MYO5B: variants seen among roughly 807,000 people sequenced by gnomAD.
MYO5B encodes the protein myosin VB.
A neutral mutation model predicts 229.3 loss-of-function variants in MYO5B; 143 were observed. That is an observed-to-expected ratio of 0.62 (90% CI 0.54 to 0.72). MYO5B has a LOEUF of 0.72. Ranked by LOEUF, MYO5B falls within the 30% of genes least tolerant of loss-of-function variation. The pLI is 0.00. For synonymous variants in MYO5B, 918 were observed against 885.2 expected, an observed-to-expected ratio of 1.04 and a Z score of -0.66; for missense variants, 2,321 against 2,331.0, an observed-to-expected ratio of 1.00 and a Z score of 0.09.
chr18:49,952,019 A>G (rs1455647270), intron 14 of MYO5B, among the ~76,000 whole-genome samples: 1 of 152,230 alleles, frequency 6.6e-6, no homozygotes, highest in Non-Finnish European at 1.5e-5. Flanking sequence ...AATTTGTCCC[A>G]GTGATGACTA....
chr18:50,106,686 G>A (rs2031766903), intron 1 of MYO5B, among the ~76,000 whole-genome samples: 1 of 152,200 alleles, frequency 6.6e-6, no homozygotes. Flanking sequence ...CCCGAGGCCT[G>A]GGGCATGTGC....
chr18:50,029,989 CA>C (rs1160859745), intron 4 of MYO5B, among the ~76,000 whole-genome samples: 3 of 152,228 alleles, frequency 2.0e-5, no homozygotes, highest in African/African-American at 7.2e-5. Flanking sequence ...CCCAGAATAA[CA>C]AACCACCTTA....
intron 1 of MYO5B, among the ~76,000 whole-genome samples, chr18:50,081,581 A>T (rs1295142149): frequency 1.3e-5 from 2 of 152,236 alleles, no homozygotes; most frequent in Non-Finnish European, 2.9e-5. Flanking sequence ...AAGGGTTGCC[A>T]TACTTTGGGG....
At chr18:50,140,720 C>T (rs557524357) in intron 1 of MYO5B, among the ~76,000 whole-genome samples, 5 of 152,258 alleles carry the variant, frequency 3.3e-5, no homozygotes, top group African/African-American at 9.6e-5. Flanking sequence ...CCATTAGGGC[C>T]GACTGTCTAG....
intron 4 of MYO5B, among the ~76,000 whole-genome samples, chr18:50,034,316 A>G (rs916040292): frequency 6.6e-6 from 1 of 152,246 alleles, no homozygotes; most frequent in South Asian, 2.1e-4. Flanking sequence ...TACAGGAAAT[A>G]CAGCAAAAAC....
intron 1 of MYO5B, among the ~76,000 whole-genome samples, chr18:50,135,975 A>G (rs919081170): frequency 9.2e-5 from 14 of 152,218 alleles, no homozygotes; most frequent in Admixed American, 9.2e-4. Flanking sequence ...GTTCGTTATC[A>G]TCCTATTTGA....
intron 1 of MYO5B, among the ~76,000 whole-genome samples, chr18:50,126,290 T>G (rs1389188544): frequency 6.6e-6 from 1 of 152,186 alleles, no homozygotes; most frequent in Non-Finnish European, 1.5e-5. Flanking sequence ...TTTCCAGATG[T>G]GGGCACCCCT....
At chr18:50,112,984 A>G (rs2031893611) in intron 1 of MYO5B, among the ~76,000 whole-genome samples, 1 of 152,222 alleles carries the variant, frequency 6.6e-6, no homozygotes, top group African/African-American at 2.4e-5. Flanking sequence ...CCACATAATG[A>G]AGGTTACATG....
At chr18:50,133,005 A>G (rs534350174) in intron 1 of MYO5B, among the ~76,000 whole-genome samples, 2 of 152,350 alleles carry the variant, frequency 1.3e-5, no homozygotes, top group East Asian at 3.8e-4. Context: ...GAGAGACCCA[A>G]GTTCATAGTT....
At chr18:50,180,464 T>C (rs1214945868) in intron 1 of MYO5B, among the ~76,000 whole-genome samples, 1 of 152,098 alleles carries the variant, frequency 6.6e-6, no homozygotes, top group African/African-American at 2.4e-5. Flanking sequence ...CCCAGGCCAA[T>C]CCCCCATCTA....
At chr18:50,151,496 G>A (rs574665270) in intron 1 of MYO5B, among the ~76,000 whole-genome samples, 1 of 152,202 alleles carries the variant, frequency 6.6e-6, no homozygotes, top group South Asian at 2.1e-4. Context: ...CTTGGATAGG[G>A]GTGGGCTTTT....
At chr18:49,994,820 A>G (rs2025970015) in intron 5 of MYO5B, among the ~76,000 whole-genome samples, 1 of 152,232 alleles carries the variant, frequency 6.6e-6, no homozygotes, top group South Asian at 2.1e-4. Context: ...TCAGTGAGCC[A>G]ATTTCTACTT....
chr18:50,024,238 C>T (rs1179609303), intron 4 of MYO5B, among the ~76,000 whole-genome samples: 1 of 152,170 alleles, frequency 6.6e-6, no homozygotes, highest in Non-Finnish European at 1.5e-5. Flanking sequence ...CAATACCATA[C>T]ATTTAAACTA....
At chr18:49,884,973 G>A (rs1308262965) in intron 22 of MYO5B, among the ~76,000 whole-genome samples, 1 of 152,158 alleles carries the variant, frequency 6.6e-6, no homozygotes, top group Non-Finnish European at 1.5e-5. Flanking sequence ...AATACAGACA[G>A]ACAATAACAA....
intron 1 of MYO5B, among the ~76,000 whole-genome samples, chr18:50,162,044 G>T (rs538575933): frequency 6.6e-6 from 1 of 152,380 alleles, no homozygotes; most frequent in East Asian, 1.9e-4. Context: ...ATGGCCAACA[G>T]CCACTCCCTC....
chr18:50,068,199 G>A (rs2030870845), intron 1 of MYO5B, among the ~76,000 whole-genome samples: 1 of 152,146 alleles, frequency 6.6e-6, no homozygotes, highest in African/African-American at 2.4e-5. Context: ...TAAAGCTTTT[G>A]TCAAATATGT....
intron 1 of MYO5B, among the ~76,000 whole-genome samples, chr18:50,069,471 C>T (rs943009941): frequency 1.3e-5 from 2 of 152,132 alleles, no homozygotes; most frequent in African/African-American, 2.4e-5. Flanking sequence ...CCAGCCTCAC[C>T]GTCCATTAGT....
chr18:50,130,932 G>A (rs1401058716), intron 1 of MYO5B, among the ~76,000 whole-genome samples: 2 of 152,130 alleles, frequency 1.3e-5, no homozygotes, highest in African/African-American at 4.8e-5. Context: ...GGGACTTCAG[G>A]AGTCATTTAT....
At chr18:49,951,026 G>A (rs2025425555) in intron 14 of MYO5B, among the ~76,000 whole-genome samples, 2 of 152,184 alleles carry the variant, frequency 1.3e-5, no homozygotes, top group Admixed American at 6.5e-5. Context: ...TAGGCTAAGG[G>A]TGCCTACATA....
Sources: gnomAD v4.1 joint callset for allele counts (sites outside exome capture counted in the v4.1 genomes callset) on GRCh38, gnomAD v4.1.1 for gene constraint, MANE v1.5 for transcripts, NCBI Gene and HGNC (gene_info 2026-07-23, HGNC 2026-07-21) for gene names.